Variants in NHSL1 observed in about 807,000 individuals in gnomAD.
NHSL1 encodes NHS like 1.
In NHSL1, 48 loss-of-function variants were observed where a neutral mutation model predicts 95.0. The ratio of observed to expected loss-of-function variants is 0.51; its 90% CI spans 0.40 to 0.64. The LOEUF is 0.64. NHSL1 is among the 30% of genes least tolerant of loss of function. The pLI, the probability that NHSL1 is intolerant of heterozygous loss-of-function variation, is 0.00. For missense variants in NHSL1, 1,971 were observed against 2,077.7 expected (o/e 0.95, Z 1.00); for synonymous variants, 783 against 833.9 (o/e 0.94, Z 1.05).
chr6:138,500,082 GA>G (rs59542058), upstream of NHSL1, among the ~76,000 whole-genome samples: 11,996 of 143,842 alleles, frequency 0.083, 758 homozygotes, highest in African/African-American at 0.18. Context: ...CAACAATCAA[GA>G]AAAAAAAAAA....
intron 1 of NHSL1, among the ~76,000 whole-genome samples, chr6:138,600,831 C>T (rs2079141646): frequency 6.6e-6 from 1 of 152,152 alleles, no homozygotes; most frequent in African/African-American, 2.4e-5. Flanking sequence ...AATATTTCAA[C>T]ATGTTCTTTA....
At position 138,430,292 on chromosome 6, in the gene NHSL1, T is replaced by C. The variant is rs1310808457; in HGVS notation, c.3952+101A>G. ...TGCTAGCTTTAACAGGAATCTGATC[T>C]ACCTGGGTTCTTTCCACGTGTGAGC... On this transcript the variant is annotated intron_variant, in intron 6 of 7. Coordinates refer to ENST00000343505, the MANE Select transcript of NHSL1 (RefSeq NM_001144060.2). This position sits in a 1 kb window ranked among gnomAD's most constrained non-coding sequence, Gnocchi z 4.7. 2 of 1,371,868 alleles carry C rather than the reference T, an allele frequency of 1.5e-6. No individual in the cohort carries two copies. The highest frequency in any genetic ancestry group is 2.1e-5 in the South Asian group (1 of 48,312). 85.0% of individuals were successfully genotyped at this position (1,371,868 alleles called of 1,614,324 possible). A position where few individuals can be genotyped will look rare whatever the true frequency, so the allele number is the denominator to read the frequency against.
chr6:138,589,191 T>A (rs1019988510), intron 1 of NHSL1, among the ~76,000 whole-genome samples: 3 of 152,138 alleles, frequency 2.0e-5, no homozygotes, highest in African/African-American at 7.2e-5. Flanking sequence ...TTCAACAACC[T>A]GGAGATTAAC....
intron 3 of NHSL1, among the ~76,000 whole-genome samples, chr6:138,454,385 T>C (rs1335641210): frequency 1.3e-5 from 2 of 152,164 alleles, no homozygotes; most frequent in Non-Finnish European, 2.9e-5. Flanking sequence ...GATGGACAAT[T>C]GGGTTGTAAA....
Position 138,432,418 on chromosome 6 carries a change from T to C in NHSL1, c.1927A>G (p.Arg643Gly), listed in dbSNP as rs1183827940. 2.7e-5 allele frequency: 42 copies of C among 1,541,400 alleles called. No homozygotes were observed. Among genetic ancestry groups the C allele is most frequent in the Non-Finnish European group, 3.6e-5 (41 of 1,137,660 alleles). Residue 643 changes from arginine to glycine, a missense_variant, in exon 6 of 8, where the codon AGA (arginine) becomes GGA (glycine). Transcript: ENST00000343505. The surrounding 1 kb of genome is among the most constrained non-coding windows in gnomAD (Gnocchi z 4.4). ...CGGTCCCCTTGGTTTTTCTGAGCTCTTCCAACAAAAACATTGATCACGCTG... is the reference window on the plus strand; with the variant it reads ...CGGTCCCCTTGGTTTTTCTGAGCTCCTCCAACAAAAACATTGATCACGCTG... ...RHSVINVFVG[R>G]AQKNQGDRSN...
intron 1 of NHSL1, among the ~76,000 whole-genome samples, chr6:138,682,373 T>C (rs1291132958): frequency 6.6e-6 from 1 of 152,208 alleles, no homozygotes; most frequent in East Asian, 1.9e-4. Context: ...AAATCATTAT[T>C]TTATATGTGT....
rs1202687511 is a variant in NHSL1 at position 138,437,445 on chromosome 6, CAAAA to C, written c.665-3769_665-3766del. ...ACACACACACACACACACACACACA[CAAAA>C]AAAAAAAAAAAAAATACAATGCACC... On this transcript the variant is annotated intron_variant, in intron 5 of 7. Transcript: ENST00000343505. Among the ~76,000 whole-genome samples the C allele has an allele frequency of 2.3e-3, 145 of 61,806 alleles. 3 individuals carry two copies. Among genetic ancestry groups the C allele is most frequent in the South Asian group, 5.7e-3 (12 of 2,118 alleles). The allele number at this position is 61,806 out of a possible 152,430, so 40.5% of individuals were successfully genotyped here.
At chr6:138,643,665 T>C (rs1784983934) in intron 1 of NHSL1, among the ~76,000 whole-genome samples, 1 of 152,192 alleles carries the variant, frequency 6.6e-6, no homozygotes, top group African/African-American at 2.4e-5. Context: ...AATTAGGATA[T>C]AATTAGGTAC....
Position 138,446,995 on chromosome 6 carries a change from G to A in NHSL1, c.532+6C>T. 2 of 1,551,444 alleles carry A rather than the reference G, an allele frequency of 1.3e-6. No individual in the cohort carries two copies. The highest frequency in any genetic ancestry group is 1.7e-6 in the Non-Finnish European group (2 of 1,146,756). ...ATTCTGAACCTGTCTGGCTAGCAAA[G>A]CGTACCAGTTATGTTAATAGGCACC... On this transcript the variant is annotated splice_donor_region_variant and intron_variant, in intron 4 of 7. Transcript: ENST00000343505.
intron 1 of NHSL1, among the ~76,000 whole-genome samples, chr6:138,603,423 G>A (rs1411914107): frequency 6.6e-6 from 1 of 152,094 alleles, no homozygotes; most frequent in South Asian, 2.1e-4. Context: ...TAGTGTAAAG[G>A]TTTCCCATGC....
chr6:138,610,890 G>C (rs9495153), intron 1 of NHSL1, among the ~76,000 whole-genome samples: 64,258 of 151,452 alleles, frequency 0.42, 15,660 homozygotes, highest in African/African-American at 0.68. Flanking sequence ...CCAGCCTGAC[G>C]AACGTGGTGA....
chr6:138,496,794 A>G (rs1780381011), intron 1 of NHSL1, among the ~76,000 whole-genome samples: 1 of 152,216 alleles, frequency 6.6e-6, no homozygotes, highest in African/African-American at 2.4e-5. Context: ...GATAGAAATG[A>G]ATTTCCTACC....
intron 1 of NHSL1, among the ~76,000 whole-genome samples, chr6:138,599,900 G>C (rs1458777937): frequency 6.6e-6 from 1 of 152,168 alleles, no homozygotes; most frequent in Non-Finnish European, 1.5e-5. Context: ...CCAGCACTTT[G>C]AGAGGCCGAG....
intron 1 of NHSL1, among the ~76,000 whole-genome samples, chr6:138,557,100 A>T (rs1783221722): frequency 6.6e-6 from 1 of 152,206 alleles, no homozygotes; most frequent in South Asian, 2.1e-4. Context: ...TTAAAATGTA[A>T]TGTTTACAGA....
intron 1 of NHSL1, among the ~76,000 whole-genome samples, chr6:138,668,540 T>C (rs569996439): frequency 6.6e-6 from 1 of 152,178 alleles, no homozygotes; most frequent in South Asian, 2.1e-4. Context: ...CATAAACATA[T>C]GCAATTATTA....
intron 1 of NHSL1, among the ~76,000 whole-genome samples, chr6:138,633,737 G>C (rs1368434752): frequency 6.6e-6 from 1 of 152,082 alleles, no homozygotes; most frequent in Non-Finnish European, 1.5e-5. Flanking sequence ...ATCACCTAAA[G>C]GTACAAAACT....
At chr6:138,457,308 T>C (rs1444070479) in intron 3 of NHSL1, among the ~76,000 whole-genome samples, 2 of 152,212 alleles carry the variant, frequency 1.3e-5, no homozygotes, top group South Asian at 2.1e-4. Context: ...TGCTACACTA[T>C]ATTCCCACTT....
chr6:138,640,401 G>A (rs1330971979), intron 1 of NHSL1, among the ~76,000 whole-genome samples: 1 of 152,006 alleles, frequency 6.6e-6, no homozygotes, highest in Non-Finnish European at 1.5e-5. Context: ...AATGACCCCT[G>A]AACAACACAA....
At chr6:138,433,760 G>C in intron 5 of NHSL1, 80 bp from the exon 6 acceptor site, 1 of 1,373,112 alleles carries the variant, frequency 7.3e-7, no homozygotes, top group East Asian at 2.7e-5. Context: ...CCCTCTGACA[G>C]AATTTTAAAA....
Sources: allele counts gnomAD v4.1 joint callset (sites outside exome capture counted in the v4.1 genomes callset), GRCh38; gene constraint gnomAD v4.1.1; non-coding constraint Gnocchi (gnomAD v3.1); transcripts MANE v1.5; gene names NCBI Gene and HGNC (gene_info 2026-07-23, HGNC 2026-07-21).